RBM44: variants seen among roughly 807,000 people sequenced by gnomAD.
RBM44 encodes the protein RNA-binding protein 44.
Under a neutral mutation model 105.1 loss-of-function variants are expected in RBM44, and 66 were observed. The observed-to-expected ratio is 0.63, with a 90% CI of 0.52 to 0.77. The LOEUF is 0.77. Among genes scored for constraint, RBM44 ranks in the 30% least tolerant of loss-of-function variants. RBM44 has a pLI of 0.00. For missense variants in RBM44, 1,122 were observed against 1,207.8 expected (o/e 0.93, Z 1.05); for synonymous variants, 365 against 417.6 (o/e 0.87, Z 1.54).
intron 1 of RBM44, among the ~76,000 whole-genome samples, chr2:237,808,541 CAG>C (rs1211119958): frequency 1.3e-5 from 2 of 150,892 alleles, no homozygotes; most frequent in Non-Finnish European, 2.9e-5. Context: ...ATTAGGAACT[CAG>C]TGGATGGGTT....
intron 2 of RBM44, 115 bp downstream of exon 2, chr2:237,813,797 G>C (rs1044721476): frequency 1.5e-6 from 1 of 653,508 alleles, no homozygotes; most frequent in African/African-American, 1.8e-5. Flanking sequence ...CTCTAAGGTG[G>C]TAAGACTCAG....
At chr2:237,837,650 A>G (rs181392133) in intron 15 of RBM44, among the ~76,000 whole-genome samples, 1 of 151,964 alleles carries the variant, frequency 6.6e-6, no homozygotes, top group Non-Finnish European at 1.5e-5. Context: ...ATTGTGGATA[A>G]GCAAAGAAAG....
chr2:237,837,401 A>G (rs2061970694), intron 15 of RBM44, among the ~76,000 whole-genome samples: 1 of 152,246 alleles, frequency 6.6e-6, no homozygotes, highest in African/African-American at 2.4e-5. Flanking sequence ...TCACCATTCT[A>G]GATGCCATTA....
chr2:237,814,714 G>T (rs2061695689), intron 2 of RBM44, among the ~76,000 whole-genome samples: 1 of 152,068 alleles, frequency 6.6e-6, no homozygotes, highest in Non-Finnish European at 1.5e-5. Context: ...ACAGAAACAG[G>T]AAGACTTCAG....
At chr2:237,839,239 C>G (rs1025697861) in intron 15 of RBM44, among the ~76,000 whole-genome samples, 1 of 152,018 alleles carries the variant, frequency 6.6e-6, no homozygotes, top group Admixed American at 6.6e-5. Flanking sequence ...ACTAAAAGAA[C>G]AATTTTCTTT....
Position 237,813,579 on chromosome 2 carries a change from A to T in RBM44, c.-18-13A>T, listed in dbSNP as rs1220774888. On this transcript the variant is annotated splice_polypyrimidine_tract_variant and intron_variant, in intron 1 of 15. Transcript: ENST00000316997. Reference sequence around the variant, plus strand: ...TAAGTATAATAATAGTTCAATATTTATACCTTTTCTAGATTATATATCTTT... The same window carrying T: ...TAAGTATAATAATAGTTCAATATTTTTACCTTTTCTAGATTATATATCTTT... 7.1e-7 allele frequency: 1 copy of T among 1,404,658 alleles called. No homozygotes were observed. Among genetic ancestry groups the T allele is most frequent in the Non-Finnish European group, 1.0e-6 (1 of 994,514 alleles). The allele number at this position is 1,404,658 out of a possible 1,614,324, so 87.0% of individuals were successfully genotyped here. A position where few individuals can be genotyped will look rare whatever the true frequency, so the allele number is the denominator to read the frequency against.
chr2:237,825,669 A>C (rs1242320821), intron 10 of RBM44, among the ~76,000 whole-genome samples: 2 of 152,130 alleles, frequency 1.3e-5, no homozygotes, highest in African/African-American at 4.8e-5. Flanking sequence ...TTTACTGCCT[A>C]TCTCCAGTGC....
In RBM44 at chr2:237,831,202, T is replaced by C. The variant is rs535513434; in HGVS notation, c.2886+1700T>C. 4.2e-5 allele frequency among the ~76,000 whole-genome samples: 6 copies of C among 142,840 alleles called. No homozygotes were observed. The South Asian group carries it at 1.5e-3, about 37-fold the overall frequency. 93.7% of individuals were successfully genotyped at this position (142,840 alleles called of 152,430 possible). On this transcript the variant is annotated intron_variant, in intron 13 of 15. Transcript: ENST00000316997. Reference sequence around the variant, plus strand: ...TCCTGACAGGATTTTCACTTGACTTTGCATTCCTTTAACTTTACCATCCTT... The same window carrying C: ...TCCTGACAGGATTTTCACTTGACTTCGCATTCCTTTAACTTTACCATCCTT...
chr2:237,835,376 G>A (rs1198816), intron 15 of RBM44, among the ~76,000 whole-genome samples: 78,986 of 151,990 alleles, frequency 0.52, 20,802 homozygotes, highest in East Asian at 0.7. Flanking sequence ...CTCACTTTAA[G>A]TCGAAAGCTA....
At chr2:237,801,506 G>A (rs919775947) in intron 1 of RBM44, among the ~76,000 whole-genome samples, 3 of 151,994 alleles carry the variant, frequency 2.0e-5, no homozygotes, top group African/African-American at 7.3e-5. Flanking sequence ...TTGTATTTTT[G>A]TTAGAAACAG....
At chr2:237,813,477 T>A (rs2061679627) in intron 1 of RBM44, 115 bp from the exon 2 acceptor site, 1 of 578,952 alleles carries the variant, frequency 1.7e-6, no homozygotes, top group Non-Finnish European at 3.0e-6. Context: ...ATGCATTGGT[T>A]TTTTAAAAAA....
rs566980035 is a variant in RBM44 at position 237,818,415 on chromosome 2, T to A, written c.1496T>A (p.Ile499Lys). 3.1e-6 allele frequency: 5 copies of A among 1,597,066 alleles called. No individual in the cohort carries two copies. In the African/African-American group the frequency reaches 6.7e-5, roughly 22 times the overall value. ...SVVSTSSNTE[I>K]TMMNKKRPDE... is the part of the protein sequence containing the mutation. ...GTATCTACATCAAGCAACACAGAGA[T>A]AACAATGATGAATAAAAAACGACCT... The change falls in exon 3 of 16, where the codon ATA (isoleucine) becomes AAA (lysine). Residue 499 changes from isoleucine (I) to lysine (K), a missense_variant. Coordinates refer to ENST00000316997, the MANE Select transcript of RBM44 (RefSeq NM_001080504.3). This position sits in a 1 kb window ranked among gnomAD's most constrained non-coding sequence, Gnocchi z 4.6.
At chr2:237,828,814 G>A (rs538607504) in intron 12 of RBM44, among the ~76,000 whole-genome samples, 1 of 149,994 alleles carries the variant, frequency 6.7e-6, no homozygotes, top group Non-Finnish European at 1.5e-5. Flanking sequence ...TTAAAATTTT[G>A]CCTCTCACAT....
At chr2:237,821,493 C>CT (rs1309332920) in intron 7 of RBM44, 125 bp downstream of exon 7, 2 of 832,606 alleles carry the variant, frequency 2.4e-6, no homozygotes, top group East Asian at 5.3e-5. Flanking sequence ...AAGTGTTTAT[C>CT]TTTTTTCTTG....
intron 1 of RBM44, among the ~76,000 whole-genome samples, chr2:237,812,614 ATGAATTCCTTT>A (rs1436264622): frequency 1.3e-5 from 2 of 152,196 alleles, no homozygotes; most frequent in Non-Finnish European, 2.9e-5. Flanking sequence ...TTAAAACAAA[ATGAATTCCTTT>A]TTTTTCCCCA....
At chr2:237,815,621 T>C (rs184708115) in intron 2 of RBM44, among the ~76,000 whole-genome samples, 1 of 152,242 alleles carries the variant, frequency 6.6e-6, no homozygotes, top group Non-Finnish European at 1.5e-5. Flanking sequence ...CAAGAATACA[T>C]TGGACATGGG....
At chr2:237,837,707 G>A (rs751047775) in intron 15 of RBM44, among the ~76,000 whole-genome samples, 1 of 143,758 alleles carries the variant, frequency 7.0e-6, no homozygotes, top group Non-Finnish European at 1.6e-5. Flanking sequence ...ATGGGATCTT[G>A]TTATTTTTCC....
At chr2:237,820,947 A>G (rs1014793210) in intron 5 of RBM44, 124 bp from the exon 6 acceptor site, 3 of 645,534 alleles carry the variant, frequency 4.6e-6, no homozygotes, top group Non-Finnish European at 7.6e-6. Context: ...GCAACTTGCG[A>G]GGCTGAGACA....
chr2:237,822,154 C>T (rs867087756), intron 8 of RBM44, among the ~76,000 whole-genome samples: 2 of 152,016 alleles, frequency 1.3e-5, no homozygotes, highest in African/African-American at 4.8e-5. Flanking sequence ...TTAGTGCCAT[C>T]ATCATGTGAA....
Sources: allele counts gnomAD v4.1 joint callset (sites outside exome capture counted in the v4.1 genomes callset), GRCh38; gene constraint gnomAD v4.1.1; non-coding constraint Gnocchi (gnomAD v3.1); transcripts MANE v1.5; gene names NCBI Gene and HGNC (gene_info 2026-07-23, HGNC 2026-07-21).